TNIK: variants seen among roughly 807,000 people sequenced by gnomAD.
The protein encoded by TNIK is TRAF2 and NCK interacting kinase.
TNIK carries 49 observed loss-of-function variants against 191.3 expected under a neutral mutation model. The observed-to-expected ratio is 0.26, with a 90% CI of 0.20 to 0.32. TNIK has a LOEUF of 0.32. Ranked by LOEUF, TNIK falls within the 10% of genes least tolerant of loss-of-function variation. The pLI is 1.00. For synonymous variants in TNIK, 594 were observed against 600.9 expected (o/e 0.99, Z 0.17); for missense variants, 1,155 against 1,702.3 (o/e 0.68, Z 5.66).
chr3:171,269,962 ACTT>A (rs1408560747), intron 2 of TNIK, among the ~76,000 whole-genome samples: 1 of 152,184 alleles, frequency 6.6e-6, no homozygotes. Context: ...GAAGCTTTTT[ACTT>A]CTTCATCTAT....
In TNIK at chr3:171,062,881, ACTC is replaced by A. The variant is rs751643403; in HGVS notation, c.*997_*999del. On this transcript the variant is annotated 3_prime_UTR_variant, in exon 33 of 33. Coordinates refer to ENST00000436636, the MANE Select transcript of TNIK (RefSeq NM_015028.4). ...ATCCACTCTCCAAGTCCCAGAAAGA[ACTC>A]AACAAAGTCTCAGTCCTAATGAAGC... The A allele has an allele frequency of 6.6e-6, 1 of 152,104 alleles. No individual in the cohort carries two copies. Among genetic ancestry groups the A allele is most frequent in the Non-Finnish European group, 1.5e-5 (1 of 68,004 alleles). The allele number at this position is 152,104 out of a possible 1,614,324, so 9.4% of individuals were successfully genotyped here. A position where few individuals can be genotyped will look rare whatever the true frequency, so the allele number is the denominator to read the frequency against.
intron 2 of TNIK, among the ~76,000 whole-genome samples, chr3:171,307,439 A>G (rs1350801203): frequency 6.6e-6 from 1 of 152,146 alleles, no homozygotes; most frequent in African/African-American, 2.4e-5. Flanking sequence ...GTGATATATG[A>G]TTAATATGCA....
chr3:171,101,165 C>T (rs1021147243), intron 22 of TNIK, among the ~76,000 whole-genome samples: 2 of 151,916 alleles, frequency 1.3e-5, no homozygotes, highest in African/African-American at 4.8e-5. Flanking sequence ...ATTGTTTGCC[C>T]TTAAGATGAA....
At chr3:171,192,954 A>C (rs1358480670) in intron 5 of TNIK, among the ~76,000 whole-genome samples, 1 of 152,086 alleles carries the variant, frequency 6.6e-6, no homozygotes, top group Non-Finnish European at 1.5e-5. Context: ...AAGTGCTTTA[A>C]TTTTTATATT....
At chr3:171,428,190 G>A (rs1317006968) in intron 1 of TNIK, among the ~76,000 whole-genome samples, 1 of 152,188 alleles carries the variant, frequency 6.6e-6, no homozygotes, top group Admixed American at 6.5e-5. Flanking sequence ...GAAGGAGAAG[G>A]GAGATGAGTT....
At chr3:171,441,830 T>A (rs1228430331) in intron 1 of TNIK, among the ~76,000 whole-genome samples, 3 of 152,218 alleles carry the variant, frequency 2.0e-5, no homozygotes, top group Non-Finnish European at 4.4e-5. Flanking sequence ...CAGATTTACA[T>A]GTATTGTGGA....
intron 4 of TNIK, among the ~76,000 whole-genome samples, chr3:171,206,581 G>T (rs1168628894): frequency 1.3e-5 from 2 of 152,002 alleles, no homozygotes; most frequent in African/African-American, 4.8e-5. Context: ...TGAAGATTTT[G>T]CTCAGTTTTT....
intron 26 of TNIK, among the ~76,000 whole-genome samples, chr3:171,082,907 C>T (rs921878776): frequency 6.6e-6 from 1 of 152,158 alleles, no homozygotes; most frequent in Non-Finnish European, 1.5e-5. Context: ...TGCCCCATAC[C>T]CTCAAGTTTT....
At chr3:171,251,906 A>T (rs1024209819) in intron 2 of TNIK, among the ~76,000 whole-genome samples, 1 of 152,246 alleles carries the variant, frequency 6.6e-6, no homozygotes, top group African/African-American at 2.4e-5. Flanking sequence ...TTAGAAAGTA[A>T]ATATGATAAC....
chr3:171,284,953 A>G (rs926827384), intron 2 of TNIK, among the ~76,000 whole-genome samples: 2 of 152,254 alleles, frequency 1.3e-5, no homozygotes, highest in Non-Finnish European at 2.9e-5. Flanking sequence ...AGCAGATGCC[A>G]AGACTTTGCC....
In TNIK at chr3:171,340,354, G is replaced by A. The variant is rs754733515; in HGVS notation, c.123+29266C>T. Among the ~76,000 whole-genome samples the A allele has an allele frequency of 3.2e-4, 49 of 152,138 alleles. 1 individual carries two copies. Among genetic ancestry groups the A allele is most frequent in the Admixed American group, 3.9e-4 (6 of 15,276 alleles). ...AGTATTGTAAACCAGTTCTAAAGCA[G>A]ATATGACAATCCCTTGACAATACTT... On this transcript the variant is annotated intron_variant, in intron 2 of 32. Transcript: ENST00000436636.
intron 2 of TNIK, among the ~76,000 whole-genome samples, chr3:171,245,014 A>T (rs2109055929): frequency 6.6e-6 from 1 of 152,304 alleles, no homozygotes; most frequent in East Asian, 1.9e-4. Context: ...ATGATTCATG[A>T]GCAATTTCTT....
At chr3:171,068,095 T>C (rs565441034) in intron 30 of TNIK, among the ~76,000 whole-genome samples, 1 of 152,314 alleles carries the variant, frequency 6.6e-6, no homozygotes, top group African/African-American at 2.4e-5. Flanking sequence ...GGACACACAC[T>C]TTACACTACA....
intron 2 of TNIK, among the ~76,000 whole-genome samples, chr3:171,364,036 A>T (rs1350143473): frequency 6.6e-6 from 1 of 152,242 alleles, no homozygotes; most frequent in African/African-American, 2.4e-5. Flanking sequence ...CAAGTGACCT[A>T]TAACAGGATA....
intron 2 of TNIK, among the ~76,000 whole-genome samples, chr3:171,367,595 G>A (rs1314685852): frequency 3.9e-5 from 6 of 151,970 alleles, no homozygotes; most frequent in South Asian, 4.1e-4. Context: ...TCAGCCTCTC[G>A]AGTAGCTGAG....
At chr3:171,310,959 T>C (rs762041974) in intron 2 of TNIK, among the ~76,000 whole-genome samples, 1 of 152,196 alleles carries the variant, frequency 6.6e-6, no homozygotes, top group Non-Finnish European at 1.5e-5. Flanking sequence ...ATTCAGATCA[T>C]GTTCTGTTTC....
chr3:171,460,182 C>A lies in TNIK; in HGVS notation c.-119G>T. ...GGGTGTCGCGCCAGAGGCCCCGGGCCCAGCCTCCCCCGCCCACCCCAGCCC... is the reference window on the plus strand; with the variant it reads ...GGGTGTCGCGCCAGAGGCCCCGGGCACAGCCTCCCCCGCCCACCCCAGCCC... On this transcript the variant is annotated 5_prime_UTR_variant, in exon 1 of 33. Transcript: ENST00000436636. This position sits in a 1 kb window ranked among gnomAD's most constrained non-coding sequence, Gnocchi z 6.8. 1 of 1,290,970 alleles carries A rather than the reference C, an allele frequency of 7.7e-7. No homozygotes were observed. Among genetic ancestry groups the A allele is most frequent in the Non-Finnish European group, 1.1e-6 (1 of 928,948 alleles). The allele number at this position is 1,290,970 out of a possible 1,614,324, so 80.0% of individuals were successfully genotyped here. A position where few individuals can be genotyped will look rare whatever the true frequency, so the allele number is the denominator to read the frequency against.
At chr3:171,447,270 A>T (rs1727627953) in intron 1 of TNIK, among the ~76,000 whole-genome samples, 1 of 151,890 alleles carries the variant, frequency 6.6e-6, no homozygotes, top group South Asian at 2.1e-4. Context: ...TTAATCCCCA[A>T]ATAGCTACCA....
chr3:171,064,339 C>T (rs1352346159), intron 32 of TNIK, among the ~76,000 whole-genome samples: 5 of 152,150 alleles, frequency 3.3e-5, no homozygotes, highest in African/African-American at 7.2e-5. Context: ...CAGAAGCTTC[C>T]CTTCTCTCAC....
Sources: allele counts gnomAD v4.1 joint callset (sites outside exome capture counted in the v4.1 genomes callset), GRCh38; gene constraint gnomAD v4.1.1; non-coding constraint Gnocchi (gnomAD v3.1); transcripts MANE v1.5; gene names NCBI Gene and HGNC (gene_info 2026-07-23, HGNC 2026-07-21).